Variants in PDSS2 observed in about 807,000 individuals in gnomAD.
PDSS2 encodes the protein all trans-polyprenyl-diphosphate synthase PDSS2.
PDSS2 carries 31 observed loss-of-function variants against 44.5 expected under a neutral mutation model. That is an observed-to-expected ratio of 0.70 (90% CI 0.52 to 0.94). The LOEUF is 0.94. Ranked by LOEUF, PDSS2 falls within the 40% of genes least tolerant of loss-of-function variation. PDSS2 has a pLI of 0.00. For synonymous variants in PDSS2, 157 were observed against 180.3 expected (o/e 0.87, Z 1.03); for missense variants, 452 against 482.2 (o/e 0.94, Z 0.59).
intron 4 of PDSS2, among the ~76,000 whole-genome samples, chr6:107,242,730 C>T (rs542636753): frequency 5.9e-5 from 9 of 152,138 alleles, no homozygotes; most frequent in African/African-American, 1.9e-4. Context: ...TGGGGTCTTC[C>T]CATGTTGTCC....
chr6:107,263,210 T>TG (rs1775302681), intron 3 of PDSS2, among the ~76,000 whole-genome samples: 1 of 152,080 alleles, frequency 6.6e-6, no homozygotes. Flanking sequence ...CTCAGCACTT[T>TG]GGGAGGCCGA....
intron 5 of PDSS2, among the ~76,000 whole-genome samples, chr6:107,211,795 T>C (rs139527462): frequency 1.5e-4 from 23 of 151,766 alleles, no homozygotes; most frequent in African/African-American, 4.8e-4. Flanking sequence ...ATTCTTCCAT[T>C]ATGTGAATAT....
intron 7 of PDSS2, among the ~76,000 whole-genome samples, chr6:107,186,581 ACC>A (rs1772173473): frequency 6.6e-6 from 1 of 151,966 alleles, no homozygotes; most frequent in Admixed American, 6.6e-5. Context: ...GCACCTATTG[ACC>A]CGCTCTCTAA....
rs759226843 is a variant in PDSS2, at chr6:107,458,896, G to A, written c.296+94C>T. ...GGAAGGACTAAAAAGAGATAAATCA[G>A]GAGCCAGTCTGAGAGAGCTAGAATG... On this transcript the variant is annotated intron_variant, in intron 1 of 7. Coordinates refer to ENST00000369037, the MANE Select transcript of PDSS2 (RefSeq NM_020381.4). The A allele has an allele frequency of 3.5e-5, 38 of 1,083,946 alleles. No individual in the cohort carries two copies. The Admixed American group carries it at 6.6e-4, about 19-fold the overall frequency. The allele number at this position is 1,083,946 out of a possible 1,614,324, so 67.1% of individuals were successfully genotyped here.
intron 7 of PDSS2, among the ~76,000 whole-genome samples, chr6:107,171,532 G>A (rs934128192): frequency 4.6e-5 from 7 of 150,988 alleles, no homozygotes; most frequent in African/African-American, 1.7e-4. Context: ...TTCTTTTTGA[G>A]ACAGCGTCTC....
At chr6:107,400,526 C>T (rs546221966) in intron 1 of PDSS2, among the ~76,000 whole-genome samples, 1 of 152,228 alleles carries the variant, frequency 6.6e-6, no homozygotes, top group East Asian at 1.9e-4. Flanking sequence ...GGTTTTGCAA[C>T]CTGAGGATGA....
intron 1 of PDSS2, among the ~76,000 whole-genome samples, chr6:107,395,767 T>G (rs1779921270): frequency 6.6e-6 from 1 of 152,210 alleles, no homozygotes; most frequent in Non-Finnish European, 1.5e-5. Context: ...TTAATTTTGA[T>G]TTTTGAGCTA....
At chr6:107,452,669 C>CTT (rs894457230) in intron 1 of PDSS2, among the ~76,000 whole-genome samples, 1 of 147,230 alleles carries the variant, frequency 6.8e-6, no homozygotes, top group Non-Finnish European at 1.5e-5. Context: ...AAGTTTCAAA[C>CTT]TTTTTTTTTT....
At chr6:107,266,345 A>G (rs1186223950) in intron 3 of PDSS2, among the ~76,000 whole-genome samples, 1 of 151,688 alleles carries the variant, frequency 6.6e-6, no homozygotes, top group Non-Finnish European at 1.5e-5. Context: ...GACCCTGGGC[A>G]TGGTTCTTAA....
intron 3 of PDSS2, among the ~76,000 whole-genome samples, chr6:107,255,137 G>C (rs1471577139): frequency 6.6e-6 from 1 of 151,366 alleles, no homozygotes; most frequent in African/African-American, 2.4e-5. Flanking sequence ...ACAGCCGTGA[G>C]CTACCACGCC....
chr6:107,264,296 C>T (rs1038964661), intron 3 of PDSS2: 100 of 1,412,118 alleles, frequency 7.1e-5, no homozygotes, highest in Admixed American at 3.0e-4. Flanking sequence ...AACATATTTA[C>T]GCCTTTAGGA....
chr6:107,395,803 A>G (rs1340991974), intron 1 of PDSS2, among the ~76,000 whole-genome samples: 1 of 152,116 alleles, frequency 6.6e-6, no homozygotes, highest in Non-Finnish European at 1.5e-5. Flanking sequence ...TGACATGTCT[A>G]GTAATTTTTT....
intron 7 of PDSS2, among the ~76,000 whole-genome samples, chr6:107,183,057 A>T (rs1772039083): frequency 6.6e-6 from 1 of 152,048 alleles, no homozygotes; most frequent in Non-Finnish European, 1.5e-5. Flanking sequence ...CAAAAAAATT[A>T]AAAAATTAGC....
At chr6:107,331,586 T>C (rs543374913) in intron 2 of PDSS2, among the ~76,000 whole-genome samples, 1 of 152,310 alleles carries the variant, frequency 6.6e-6, no homozygotes, top group East Asian at 1.9e-4. Context: ...AACACAAGGT[T>C]ACATCACAGT....
intron 1 of PDSS2, among the ~76,000 whole-genome samples, chr6:107,336,075 C>T (rs550884999): frequency 4.0e-5 from 6 of 151,336 alleles, no homozygotes; most frequent in South Asian, 2.1e-4. Context: ...GCCAACATGG[C>T]GAAACTCCGT....
At chr6:107,168,285 G>A (rs1462569007) in intron 7 of PDSS2, among the ~76,000 whole-genome samples, 2 of 152,134 alleles carry the variant, frequency 1.3e-5, no homozygotes, top group Non-Finnish European at 2.9e-5. Context: ...TTTTATCAGA[G>A]ACTAGGATTG....
At chr6:107,168,668 C>T (rs1771444289) in intron 7 of PDSS2, among the ~76,000 whole-genome samples, 2 of 150,900 alleles carry the variant, frequency 1.3e-5, no homozygotes, top group South Asian at 2.1e-4. Context: ...TTAGGGCAGG[C>T]CTGGTGGTGA....
Position 107,274,090 on chromosome 6 carries a change from A to G in PDSS2, c.569T>C (p.Leu190Pro). Residue 190 changes from leucine to proline, a missense_variant, in exon 3 of 8, where the codon CTG (leucine) becomes CCG (proline). Physicochemically the swap from Leu to Pro is moderately conservative, Grantham distance 98. Coordinates refer to ENST00000369037, the MANE Select transcript of PDSS2 (RefSeq NM_020381.4). ...DMQFGNKIAI[L>P]SGDFLLANAC... ...ATTTGCTAGAAGAAAGTCTCCACTC[A>G]GGATAGCAATTTTATTTCCAAATTG... The G allele has an allele frequency of 6.2e-7, 1 of 1,614,118 alleles. No individual in the cohort carries two copies. Among genetic ancestry groups the G allele is most frequent in the Non-Finnish European group, 8.5e-7 (1 of 1,179,936 alleles).
intron 3 of PDSS2, among the ~76,000 whole-genome samples, chr6:107,257,305 A>T (rs1204921190): frequency 6.6e-6 from 1 of 151,988 alleles, no homozygotes; most frequent in East Asian, 1.9e-4. Context: ...TTGGGGGCTG[A>T]GGTGGGAGGA....
Sources: allele counts gnomAD v4.1 joint callset (sites outside exome capture counted in the v4.1 genomes callset), GRCh38; gene constraint gnomAD v4.1.1; transcripts MANE v1.5; gene names NCBI Gene and HGNC (gene_info 2026-07-23, HGNC 2026-07-21).